The following WWOX variants were observed in gnomAD, a reference collection of about 807,000 sequenced individuals.
The protein encoded by WWOX is WW domain-containing oxidoreductase.
Under a neutral mutation model 46.2 loss-of-function variants are expected in WWOX, and 69 were observed. The observed-to-expected ratio is 1.49, with a 90% CI of 1.23 to 1.82. WWOX has a LOEUF of 1.82. WWOX is among the 40% of genes most tolerant of loss of function. The pLI is 0.00. For missense variants in WWOX, 919 were observed against 542.6 expected (o/e 1.69, Z -6.89); for synonymous variants, 359 against 202.6 (o/e 1.77, Z -6.56).
chr16:78,508,340 T>TTA (rs1234843741), intron 8 of WWOX, among the ~76,000 whole-genome samples: 8 of 121,738 alleles, frequency 6.6e-5, no homozygotes, highest in African/African-American at 2.1e-4. Flanking sequence ...TTTTTTTTTT[T>TTA]AACGCTCATC....
intron 8 of WWOX, among the ~76,000 whole-genome samples, chr16:78,661,942 G>A (rs1160409624): frequency 6.6e-6 from 1 of 152,194 alleles, no homozygotes; most frequent in African/African-American, 2.4e-5. Flanking sequence ...TACTCAGGAG[G>A]ATAAGGTGGG....
At chr16:79,048,344 G>C (rs1325235494) in intron 8 of WWOX, among the ~76,000 whole-genome samples, 1 of 151,950 alleles carries the variant, frequency 6.6e-6, no homozygotes, top group Admixed American at 6.6e-5. Context: ...ACACATGCCG[G>C]TGCACCTGGA....
intron 8 of WWOX, among the ~76,000 whole-genome samples, chr16:79,034,093 C>G (rs1422893836): frequency 6.6e-6 from 1 of 152,166 alleles, no homozygotes; most frequent in Non-Finnish European, 1.5e-5. Flanking sequence ...GGTAATGGGC[C>G]AGGGAACTGA....
chr16:79,129,853 C>G (rs1444712789), intron 8 of WWOX, among the ~76,000 whole-genome samples: 1 of 152,166 alleles, frequency 6.6e-6, no homozygotes, highest in South Asian at 2.1e-4. Context: ...CAAATTGGTG[C>G]TGAGCACACA....
intron 5 of WWOX, among the ~76,000 whole-genome samples, chr16:78,165,753 A>G (rs989981849): frequency 4.6e-5 from 7 of 152,196 alleles, no homozygotes; most frequent in African/African-American, 1.7e-4. Context: ...AAAGTAGTGA[A>G]AATAAAGAAA....
At chr16:78,181,533 G>A (rs1400328684) in intron 5 of WWOX, among the ~76,000 whole-genome samples, 2 of 152,132 alleles carry the variant, frequency 1.3e-5, no homozygotes, top group African/African-American at 2.4e-5. Context: ...AACTAAGGCC[G>A]GAGCGGGTGG....
At chr16:79,056,214 C>T (rs1451499239) in intron 8 of WWOX, among the ~76,000 whole-genome samples, 1 of 80,094 alleles carries the variant, frequency 1.2e-5, no homozygotes, top group African/African-American at 7.5e-5. Context: ...TGTCACTAGA[C>T]CAAAAAAAAA....
intron 8 of WWOX, among the ~76,000 whole-genome samples, chr16:78,672,807 A>C (rs1728602055): frequency 6.6e-6 from 1 of 152,232 alleles, no homozygotes; most frequent in African/African-American, 2.4e-5. Context: ...CAATGATAAC[A>C]GCCATCTGAC....
chr16:78,959,844 C>A (rs532137996), intron 8 of WWOX, among the ~76,000 whole-genome samples: 1 of 152,254 alleles, frequency 6.6e-6, no homozygotes, highest in Non-Finnish European at 1.5e-5. Context: ...ATAAAAGATC[C>A]TGATGCCTGG....
intron 5 of WWOX, among the ~76,000 whole-genome samples, chr16:78,327,472 G>C (rs753480234): frequency 6.6e-6 from 1 of 152,164 alleles, no homozygotes; most frequent in Non-Finnish European, 1.5e-5. Context: ...GCAGGACACA[G>C]AAGGCTTCTG....
chr16:78,100,373 C>T (rs930497554), intron 1 of WWOX, among the ~76,000 whole-genome samples: 23 of 152,150 alleles, frequency 1.5e-4, no homozygotes, highest in African/African-American at 5.6e-4. Flanking sequence ...TCATCTCAGC[C>T]TCTTGAGTGG....
rs187077318 is a variant in WWOX, at chr16:78,429,752, C to T, written c.792-2736C>T. Among the ~76,000 whole-genome samples the T allele has an allele frequency of 2.0e-5, 3 of 152,280 alleles. No homozygotes were observed. The East Asian group carries it at 5.8e-4, about 29-fold the overall frequency. On this transcript the variant is annotated intron_variant, in intron 7 of 8. Coordinates refer to ENST00000566780, the MANE Select transcript of WWOX (RefSeq NM_016373.4). ...GAAATAAAGTTAGCAAATAACATAA[C>T]TTACATGCACAAATATATTTTCAAT...
Position 78,616,295 on chromosome 16 carries a change from C to T in WWOX, c.1056+183543C>T, listed in dbSNP as rs537254411. Among the ~76,000 whole-genome samples, 6 of 152,072 alleles carry T rather than the reference C, an allele frequency of 3.9e-5. No homozygotes were observed. The East Asian group carries it at 1.2e-3, about 29-fold the overall frequency. On this transcript the variant is annotated intron_variant, in intron 8 of 8. Coordinates refer to ENST00000566780, the MANE Select transcript of WWOX (RefSeq NM_016373.4). ...GGCTGCTATAACAAAATGCCATGGA[C>T]TGAATAATATATAAACAACGGAAAT...
chr16:79,002,136 A>G (rs897692987), intron 8 of WWOX, among the ~76,000 whole-genome samples: 1 of 150,768 alleles, frequency 6.6e-6, no homozygotes, highest in Non-Finnish European at 1.5e-5. Flanking sequence ...AATGAGTTTT[A>G]ATGCAAGTGT....
At chr16:78,211,982 A>G (rs1210620441) in intron 5 of WWOX, among the ~76,000 whole-genome samples, 1 of 152,218 alleles carries the variant, frequency 6.6e-6, no homozygotes, top group Admixed American at 6.5e-5. Context: ...ATTTGCTACC[A>G]TGGTACATAA....
chr16:78,597,100 A>G (rs2045509330), intron 8 of WWOX, among the ~76,000 whole-genome samples: 1 of 152,138 alleles, frequency 6.6e-6, no homozygotes, highest in African/African-American at 2.4e-5. Flanking sequence ...GGGTGCTAGT[A>G]TCTTTGTGAA....
At chr16:78,150,315 C>T (rs1012090210) in intron 4 of WWOX, among the ~76,000 whole-genome samples, 2 of 152,192 alleles carry the variant, frequency 1.3e-5, no homozygotes, top group African/African-American at 4.8e-5. Context: ...GCATGCCCCT[C>T]TCCAGGCACC....
chr16:79,108,613 C>T (rs1360184153), intron 8 of WWOX, among the ~76,000 whole-genome samples: 1 of 152,124 alleles, frequency 6.6e-6, no homozygotes, highest in East Asian at 1.9e-4. Flanking sequence ...TAAAATTTTC[C>T]ATAGTTATTC....
intron 8 of WWOX, among the ~76,000 whole-genome samples, chr16:79,176,377 G>A (rs1729312084): frequency 1.3e-5 from 2 of 152,150 alleles, no homozygotes; most frequent in South Asian, 4.1e-4. Flanking sequence ...GTAAGCACTA[G>A]TCACATGGCT....
Sources: allele counts gnomAD v4.1 joint callset (sites outside exome capture counted in the v4.1 genomes callset), GRCh38; gene constraint gnomAD v4.1.1; transcripts MANE v1.5; gene names NCBI Gene and HGNC (gene_info 2026-07-23, HGNC 2026-07-21).